Variants in PPIL6 observed in about 807,000 individuals in gnomAD.
PPIL6 encodes peptidylprolyl isomerase like 6.
In PPIL6, 39 loss-of-function variants were observed where a neutral mutation model predicts 36.8. The ratio of observed to expected loss-of-function variants is 1.06; its 90% CI spans 0.82 to 1.38. The LOEUF (loss-of-function observed/expected upper bound fraction) is 1.38. Among genes scored for constraint, PPIL6 ranks in the 40% most tolerant of loss-of-function variants. The pLI is 0.00. For missense variants in PPIL6, 368 were observed against 379.1 expected (o/e 0.97, Z 0.24); for synonymous variants, 123 against 134.1 (o/e 0.92, Z 0.57).
intron 3 of PPIL6, among the ~76,000 whole-genome samples, chr6:109,430,591 T>C (rs978044279): frequency 3.3e-5 from 5 of 152,178 alleles, no homozygotes; most frequent in Non-Finnish European, 5.9e-5. Context: ...CACGCCCAGC[T>C]AATTTTTGTA....
chr6:109,405,273 C>T (rs1772751630), intron 6 of PPIL6, among the ~76,000 whole-genome samples: 1 of 152,180 alleles, frequency 6.6e-6, no homozygotes, highest in Non-Finnish European at 1.5e-5. Flanking sequence ...TTTTATATAA[C>T]CATGCACTTA....
intron 5 of PPIL6, among the ~76,000 whole-genome samples, chr6:109,420,832 A>C (rs1373125243): frequency 6.6e-6 from 1 of 152,220 alleles, no homozygotes; most frequent in Non-Finnish European, 1.5e-5. Context: ...TGTAGAGAGA[A>C]TTTATCCCAG....
intron 5 of PPIL6, among the ~76,000 whole-genome samples, chr6:109,419,723 C>CAA (rs981184987): frequency 2.4e-4 from 33 of 137,908 alleles, no homozygotes; most frequent in African/African-American, 8.0e-4. Flanking sequence ...AACTCCATTT[C>CAA]AAAAAAAAAA....
At position 109,391,945 on chromosome 6, in the gene PPIL6, A is replaced by C. The variant is rs556986396; in HGVS notation, c.*881T>G. 2 of 152,228 alleles carry C rather than the reference A, an allele frequency of 1.3e-5. No individual in the cohort carries two copies. The highest frequency in any genetic ancestry group is 1.3e-4 in the Admixed American group (2 of 15,286). The allele number at this position is 152,228 out of a possible 1,614,324, so 9.4% of individuals were successfully genotyped here. A position where few individuals can be genotyped will look rare whatever the true frequency, so the allele number is the denominator to read the frequency against. On this transcript the variant is annotated 3_prime_UTR_variant, in exon 8 of 8. Coordinates refer to ENST00000521072, the MANE Select transcript of PPIL6 (RefSeq NM_173672.5). ...CTTACCAAGTTTCTCCTAGGAGTAC[A>C]TGTAGTTACAAACAAGAACATAATT... is the stretch of plus-strand genomic sequence containing the variant.
chr6:109,402,341 G>C (rs1272962619), intron 6 of PPIL6, among the ~76,000 whole-genome samples: 1 of 152,106 alleles, frequency 6.6e-6, no homozygotes, highest in Non-Finnish European at 1.5e-5. Context: ...TTCGAGACCA[G>C]TCTGGCCAAC....
At chr6:109,439,754 G>A (rs1774691928) in intron 1 of PPIL6, among the ~76,000 whole-genome samples, 1 of 152,188 alleles carries the variant, frequency 6.6e-6, no homozygotes, top group Non-Finnish European at 1.5e-5. Context: ...GTTTGCCATG[G>A]ACAGCATTTC....
intron 6 of PPIL6, 65 bp from the exon 7 acceptor site, chr6:109,400,235 T>A: frequency 7.2e-7 from 1 of 1,387,396 alleles, no homozygotes; most frequent in Admixed American, 1.9e-5. Context: ...TTGTAACATA[T>A]AAGGAACAAA....
upstream of PPIL6, chr6:109,441,081 GGA>G (rs1774848868): frequency 6.2e-7 from 1 of 1,611,106 alleles, no homozygotes; most frequent in Non-Finnish European, 8.5e-7. Context: ...GGCCGTCGCT[GGA>G]GAGTTCGAGC....
Position 109,391,303 on chromosome 6 carries a change from A to G in PPIL6, c.*1523T>C, listed in dbSNP as rs1284222282. ...ATTCCGTCTCAAAAAAAAAAAAAAA[A>G]AAAAAAAAAAAAAGAAAAGCACTCT... On this transcript the variant is annotated 3_prime_UTR_variant, in exon 8 of 8. Coordinates refer to ENST00000521072, the MANE Select transcript of PPIL6 (RefSeq NM_173672.5). The G allele has an allele frequency of 6.9e-5, 9 of 130,688 alleles. No individual in the cohort carries two copies. Among genetic ancestry groups the G allele is most frequent in the East Asian group, 1.9e-4 (1 of 5,244 alleles). The allele number at this position is 130,688 out of a possible 1,614,324, so 8.1% of individuals were successfully genotyped here. A position where few individuals can be genotyped will look rare whatever the true frequency, so the allele number is the denominator to read the frequency against.
intron 2 of PPIL6, among the ~76,000 whole-genome samples, chr6:109,433,306 C>T (rs562684001): frequency 3.9e-5 from 6 of 152,214 alleles, no homozygotes; most frequent in Non-Finnish European, 8.8e-5. Context: ...ATCTGCCCGC[C>T]TCGGCCTCCC....
At chr6:109,423,806 A>G (rs909280887) in intron 5 of PPIL6, among the ~76,000 whole-genome samples, 2 of 152,130 alleles carry the variant, frequency 1.3e-5, no homozygotes, top group Non-Finnish European at 2.9e-5. Context: ...ATGACTTGCT[A>G]TCTTAACTTT....
rs1407332971 is a variant in PPIL6 at position 109,391,313 on chromosome 6, A to C, written c.*1513T>G. ...AAAAAAAAAAAAAAAAAAAAAAAAAAAAAGAAAAGCACTCTTAGTCTGGGC... is the reference window on the plus strand; with the variant it reads ...AAAAAAAAAAAAAAAAAAAAAAAAACAAAGAAAAGCACTCTTAGTCTGGGC... On this transcript the variant is annotated 3_prime_UTR_variant, in exon 8 of 8. Coordinates refer to ENST00000521072, the MANE Select transcript of PPIL6 (RefSeq NM_173672.5). 6.7e-6 allele frequency: 1 copy of C among 149,682 alleles called. No individual in the cohort carries two copies. Among genetic ancestry groups the C allele is most frequent in the Non-Finnish European group, 1.4e-5 (1 of 69,194 alleles). 9.3% of individuals were successfully genotyped at this position (149,682 alleles called of 1,614,324 possible).
rs781373426 is a variant in PPIL6 at position 109,431,216 on chromosome 6, A to G, written c.361T>C (p.Ser121Pro). 2 of 1,614,108 alleles carry G rather than the reference A, an allele frequency of 1.2e-6. No individual in the cohort carries two copies. The highest frequency in any genetic ancestry group is 8.5e-7 in the Non-Finnish European group (1 of 1,179,962). The change falls in exon 3 of 8, where the codon TCT becomes CCT. Residue 121 changes from serine (S) to proline (P), a missense_variant. Coordinates refer to ENST00000521072, the MANE Select transcript of PPIL6 (RefSeq NM_173672.5). ...EVWDIVDIKP[S>P]ALYDALTEDF... Reference sequence around the variant, plus strand: ...TCAGTGAGTGCGTCATAAAGTGCAGAGGGTTTAATGTCAACTATATCCCAC... The same window carrying G: ...TCAGTGAGTGCGTCATAAAGTGCAGGGGGTTTAATGTCAACTATATCCCAC...
intron 3 of PPIL6, among the ~76,000 whole-genome samples, chr6:109,428,314 G>C (rs900977936): frequency 6.6e-6 from 1 of 152,116 alleles, no homozygotes; most frequent in South Asian, 2.1e-4. Context: ...ACTTTAGGGG[G>C]CCAAGGTGGG....
chr6:109,412,599 T>G (rs1452399888), intron 6 of PPIL6, among the ~76,000 whole-genome samples: 1 of 152,152 alleles, frequency 6.6e-6, no homozygotes, highest in Non-Finnish European at 1.5e-5. Flanking sequence ...AAACTCATAG[T>G]GAACTCACTT....
chr6:109,435,010 T>A (rs1774367656), intron 2 of PPIL6, among the ~76,000 whole-genome samples: 1 of 152,156 alleles, frequency 6.6e-6, no homozygotes, highest in Admixed American at 6.5e-5. Context: ...AAGCTTCAAC[T>A]AGGACAGGGT....
At chr6:109,438,710 T>C (rs1774596296) in intron 1 of PPIL6, among the ~76,000 whole-genome samples, 1 of 152,032 alleles carries the variant, frequency 6.6e-6, no homozygotes, top group African/African-American at 2.4e-5. Context: ...AGCCTCAGCT[T>C]CCCGAGTAGC....
intron 5 of PPIL6, 116 bp from the exon 6 acceptor site, chr6:109,419,359 TCA>T (rs1773426420): frequency 1.5e-6 from 1 of 666,498 alleles, no homozygotes; most frequent in Admixed American, 2.3e-5. Flanking sequence ...GGTGGGATGA[TCA>T]CTGGAGCCCA....
At chr6:109,430,083 A>C (rs1774050308) in intron 3 of PPIL6, among the ~76,000 whole-genome samples, 1 of 152,208 alleles carries the variant, frequency 6.6e-6, no homozygotes, top group South Asian at 2.1e-4. Flanking sequence ...TGCACTGTTT[A>C]TTCAATCAAA....
Sources: gnomAD v4.1 joint callset for allele counts (sites outside exome capture counted in the v4.1 genomes callset) on GRCh38, gnomAD v4.1.1 for gene constraint, MANE v1.5 for transcripts, NCBI Gene and HGNC (gene_info 2026-07-23, HGNC 2026-07-21) for gene names.